The following NMNAT3 variants were observed in gnomAD, a reference collection of about 807,000 sequenced individuals.
NMNAT3 encodes the protein nicotinamide nucleotide adenylyltransferase 3, also known as nicotinamide/nicotinic acid mononucleotide adenylyltransferase 3.
A neutral mutation model predicts 24.8 loss-of-function variants in NMNAT3; 21 were observed. The ratio of observed to expected loss-of-function variants is 0.85; its 90% CI spans 0.60 to 1.22. The LOEUF is 1.22. Among genes scored for constraint, NMNAT3 ranks in the 50% most tolerant of loss-of-function variants. The pLI is 0.00. For missense variants in NMNAT3, 387 were observed against 436.6 expected (o/e 0.89, Z 1.01); for synonymous variants, 136 against 155.2 (o/e 0.88, Z 0.92).
intron 1 of NMNAT3, among the ~76,000 whole-genome samples, chr3:139,658,517 CTT>C (rs2057315775): frequency 6.6e-6 from 1 of 152,226 alleles, no homozygotes; most frequent in East Asian, 1.9e-4. Context: ...TCTTCCCAAA[CTT>C]TATTGTGAAA....
chr3:139,576,303 C>A (rs555442963), intron 5 of NMNAT3: 2 of 946,582 alleles, frequency 2.1e-6, no homozygotes, highest in East Asian at 2.4e-4. Flanking sequence ...GCAGTTGGTA[C>A]ATTTTGGAGA....
intron 1 of NMNAT3, among the ~76,000 whole-genome samples, chr3:139,653,109 G>A (rs148571048): frequency 2.0e-4 from 31 of 152,304 alleles, no homozygotes; most frequent in African/African-American, 6.7e-4. Flanking sequence ...AGTTTATGGA[G>A]TCATTGCTTC....
chr3:139,576,939 C>A (rs553194523), intron 5 of NMNAT3, among the ~76,000 whole-genome samples: 1 of 151,946 alleles, frequency 6.6e-6, no homozygotes, highest in African/African-American at 2.4e-5. Context: ...TGCCTGTAAT[C>A]CCAGCTACTT....
chr3:139,574,883 T>C (rs1043311343), intron 5 of NMNAT3, among the ~76,000 whole-genome samples: 2 of 152,188 alleles, frequency 1.3e-5, no homozygotes, highest in Non-Finnish European at 2.9e-5. Flanking sequence ...TGTTAAGTTC[T>C]AGAATTAGAC....
At chr3:139,613,722 C>T (rs540515875) in intron 3 of NMNAT3, among the ~76,000 whole-genome samples, 2,651 of 152,184 alleles carry the variant, frequency 0.017, 38 homozygotes, top group Non-Finnish European at 0.028. Context: ...ATAGCAAAGA[C>T]TTGGAACCAA....
chr3:139,576,108 A>G, intron 5 of NMNAT3: 1 of 1,250,238 alleles, frequency 8.0e-7, no homozygotes, highest in Non-Finnish European at 1.0e-6. Context: ...GATGTTTGTT[A>G]CTATGTCACT....
At chr3:139,574,209 G>T (rs2108063087) in intron 5 of NMNAT3, among the ~76,000 whole-genome samples, 1 of 152,368 alleles carries the variant, frequency 6.6e-6, no homozygotes, top group South Asian at 2.1e-4. Flanking sequence ...GAAGGCAATA[G>T]GGTGATGGCC....
intron 4 of NMNAT3, among the ~76,000 whole-genome samples, chr3:139,582,291 G>A (rs2053673370): frequency 6.6e-6 from 1 of 151,018 alleles, no homozygotes. Flanking sequence ...CCATTGGGGT[G>A]TTTATAAAAG....
At chr3:139,618,950 TTC>T (rs1206269328) in intron 3 of NMNAT3, among the ~76,000 whole-genome samples, 3 of 152,196 alleles carry the variant, frequency 2.0e-5, no homozygotes, top group South Asian at 2.1e-4. Context: ...AGCCTTATGT[TTC>T]TCCCGTGCAC....
intron 2 of NMNAT3, chr3:139,634,973 C>T (rs2056446186): frequency 6.6e-6 from 1 of 152,188 alleles, no homozygotes; most frequent in South Asian, 2.1e-4. Flanking sequence ...GTCCAATCAA[C>T]CTCCCTAAGG....
At chr3:139,664,606 A>G (rs1455853085) in intron 1 of NMNAT3, among the ~76,000 whole-genome samples, 1 of 152,240 alleles carries the variant, frequency 6.6e-6, no homozygotes, top group Non-Finnish European at 1.5e-5. Flanking sequence ...GATTCCTAGC[A>G]CCATCATCTA....
chr3:139,618,124 A>G (rs1162091345), intron 3 of NMNAT3, among the ~76,000 whole-genome samples: 1 of 152,236 alleles, frequency 6.6e-6, no homozygotes, highest in African/African-American at 2.4e-5. Flanking sequence ...TAAAGTAGAG[A>G]AAATCCACAG....
At chr3:139,650,666 G>C (rs1178321889) in intron 1 of NMNAT3, among the ~76,000 whole-genome samples, 1 of 152,172 alleles carries the variant, frequency 6.6e-6, no homozygotes, top group Non-Finnish European at 1.5e-5. Flanking sequence ...TTTTACCTGA[G>C]GAATGCATCC....
At chr3:139,659,583 A>G (rs1487819285) in intron 1 of NMNAT3, among the ~76,000 whole-genome samples, 1 of 152,068 alleles carries the variant, frequency 6.6e-6, no homozygotes, top group East Asian at 1.9e-4. Flanking sequence ...AAAGAAAAAT[A>G]TTAAACAAAC....
At chr3:139,569,101 CTTCT>C (rs1446621109) in intron 6 of NMNAT3, 51 of 152,130 alleles carry the variant, frequency 3.4e-4, no homozygotes, top group Admixed American at 3.2e-3. Context: ...ATGTAATGGC[CTTCT>C]TTGTCTCTTT....
intron 6 of NMNAT3, among the ~76,000 whole-genome samples, chr3:139,564,824 T>C (rs1312532773): frequency 1.3e-5 from 2 of 152,224 alleles, no homozygotes; most frequent in Non-Finnish European, 2.9e-5. Flanking sequence ...TTTTAATTGC[T>C]CTACATTTTA....
At chr3:139,609,086 C>T (rs1407091417) in intron 3 of NMNAT3, among the ~76,000 whole-genome samples, 2 of 152,136 alleles carry the variant, frequency 1.3e-5, no homozygotes, top group South Asian at 2.1e-4. Flanking sequence ...TCTTTTATTG[C>T]TGGGGAGTAG....
At chr3:139,563,360 T>C (rs1212345566) in intron 6 of NMNAT3, among the ~76,000 whole-genome samples, 2 of 152,084 alleles carry the variant, frequency 1.3e-5, no homozygotes, top group Non-Finnish European at 2.9e-5. Flanking sequence ...ATGGGGGAGG[T>C]ACTATGATGT....
chr3:139,578,111 C>T (rs945401539), intron 5 of NMNAT3, among the ~76,000 whole-genome samples: 2 of 152,204 alleles, frequency 1.3e-5, no homozygotes, highest in Non-Finnish European at 2.9e-5. Flanking sequence ...AGGCCATACT[C>T]ACAATCCCAA....
Sources: gnomAD v4.1 joint callset for allele counts (sites outside exome capture counted in the v4.1 genomes callset) on GRCh38, gnomAD v4.1.1 for gene constraint, MANE v1.5 for transcripts, NCBI Gene and HGNC (gene_info 2026-07-23, HGNC 2026-07-21) for gene names.